Variants in ABCA7 observed in about 807,000 individuals in gnomAD.
The protein encoded by ABCA7 is ATP binding cassette subfamily A member 7.
A neutral mutation model predicts 227.6 loss-of-function variants in ABCA7; 261 were observed. The observed-to-expected ratio is 1.15, with a 90% CI of 1.04 to 1.27. The LOEUF is 1.27. Ranked by LOEUF, ABCA7 falls within the 50% of genes most tolerant of loss-of-function variation. ABCA7 has a pLI of 0.00. For missense variants in ABCA7, 3,331 were observed against 2,924.5 expected (o/e 1.14, Z -3.21); for synonymous variants, 1,488 against 1,279.7 (o/e 1.16, Z -3.47).
Position 1,055,114 on chromosome 19 carries a change from T to C in ABCA7, c.3968T>C (p.Val1323Ala), listed in dbSNP as rs1385605555. 3 of 1,612,092 alleles carry C rather than the reference T, an allele frequency of 1.9e-6. No homozygotes were observed. In the African/African-American group the frequency reaches 4.0e-5, roughly 22 times the overall value. The change falls in exon 30 of 47, where the codon GTT becomes GCT. Residue 1323 changes from valine to alanine, a missense_variant. Coordinates refer to ENST00000263094, the MANE Select transcript of ABCA7 (RefSeq NM_019112.4). Reference protein sequence around the residue: ...HSSHRFSAPEVPAEVAKVLAS... With the variant: ...HSSHRFSAPEAPAEVAKVLAS... ...GTCTGCAGGTTCTCGGCACCAGAAG[T>C]TCCTGCTGAAGTGGCCAAGGTCTTG...
At position 1,063,641 on chromosome 19, in the gene ABCA7, C is replaced by T. The variant is rs769277178; in HGVS notation, c.5810C>T (p.Ala1937Val). The T allele has an allele frequency of 1.1e-5, 17 of 1,610,426 alleles. No individual in the cohort carries two copies. In the African/African-American group the frequency reaches 2.1e-4, roughly 20 times the overall value. Residue 1937 changes from alanine to valine, a missense_variant, in exon 43 of 47, where the codon GCC (alanine) becomes GTC (valine). By Grantham distance (64) the Ala-to-Val change is moderately conservative. Transcript: ENST00000263094. ...GGGAACAAACGCAAGCTGGCGACGG[C>T]CCTGGCGCTGGTTGGGGACCCAGCC... ...SGGNKRKLAT[A>V]LALVGDPAVV...
intron 18 of ABCA7, among the ~76,000 whole-genome samples, chr19:1,050,554 G>T (rs908498894): frequency 6.6e-6 from 1 of 151,954 alleles, no homozygotes; most frequent in Non-Finnish European, 1.5e-5. Flanking sequence ...GGTGGATCAC[G>T]AGGTCAGGAG....
intron 1 of ABCA7, among the ~76,000 whole-genome samples, chr19:1,041,013 C>A (rs537999590): frequency 6.6e-6 from 1 of 152,020 alleles, no homozygotes; most frequent in African/African-American, 2.4e-5. Context: ...TGGGGTGGAG[C>A]CTGGTGACGA....
intron 44 of ABCA7, 110 bp from the exon 45 acceptor site, chr19:1,064,051 G>A (rs2042868825): frequency 7.4e-7 from 1 of 1,349,240 alleles, no homozygotes; most frequent in African/African-American, 1.5e-5. Flanking sequence ...GGGGAAGAGT[G>A]GGGAGATGTC....
intron 17 of ABCA7, 120 bp from the exon 18 acceptor site, chr19:1,049,146 T>C: frequency 1.6e-6 from 2 of 1,213,924 alleles, no homozygotes; most frequent in Non-Finnish European, 2.3e-6. Flanking sequence ...GTCCCCAAGC[T>C]CCCGCAGCTT....
Position 1,047,179 on chromosome 19 carries a change from GCCACCCGGGC to G in ABCA7, c.1869_1878del (p.Ser623ArgfsTer15). 6.2e-7 allele frequency: 1 copy of G among 1,604,816 alleles called. No individual in the cohort carries two copies. The highest frequency in any genetic ancestry group is 8.5e-7 in the Non-Finnish European group (1 of 1,177,632). On this transcript the variant is annotated frameshift_variant, in exon 15 of 47. Transcript: ENST00000263094. LOFTEE classifies it high-confidence loss of function. ...CAGCTGGGAGACATCCTCCCCTACAGCCACCCGGGCGTGGTCTTCCTGTTCTTGGCAGCCT... is the reference window on the plus strand; with the variant it reads ...CAGCTGGGAGACATCCTCCCCTACAGGTGGTCTTCCTGTTCTTGGCAGCCT...
Position 1,056,307 on chromosome 19 carries a change from C to G in ABCA7, c.4417-23C>G, listed in dbSNP as rs374433434. ...AAGGTCCAACCCCATTGCTCTGACC[C>G]TATGACCTTGACCCCCACCCAGATC... is the stretch of plus-strand genomic sequence containing the variant. On this transcript the variant is annotated intron_variant, in intron 32 of 46. Transcript: ENST00000263094. The surrounding 1 kb of genome is among the most constrained non-coding windows in gnomAD (Gnocchi z 4.3). 43 of 1,610,268 alleles carry G rather than the reference C, an allele frequency of 2.7e-5. No homozygotes were observed. Among genetic ancestry groups the G allele is most frequent in the Middle Eastern group, 1.6e-4 (1 of 6,072 alleles).
At chr19:1,047,722 T>G in intron 16 of ABCA7, 68 bp downstream of exon 16, 7 of 1,369,906 alleles carry the variant, frequency 5.1e-6, no homozygotes, top group East Asian at 2.9e-5. Flanking sequence ...GCTAGGGGTG[T>G]GGCCTCCAGG....
At chr19:1,045,341 G>C in intron 12 of ABCA7, 110 bp downstream of exon 12, 1 of 1,125,652 alleles carries the variant, frequency 8.9e-7, no homozygotes, top group Non-Finnish European at 1.3e-6. Flanking sequence ...ACAGGATCTG[G>C]GCTGTATCAA....
chr19:1,059,673 C>T (rs570401798), intron 40 of ABCA7, among the ~76,000 whole-genome samples: 1 of 152,204 alleles, frequency 6.6e-6, no homozygotes, highest in Admixed American at 6.5e-5. Context: ...ACACCATTTT[C>T]CTGCCTCAGC....
chr19:1,051,653 G>T, intron 21 of ABCA7, 67 bp downstream of exon 21: 1 of 1,495,478 alleles, frequency 6.7e-7, no homozygotes. Context: ...TGGGGATGGG[G>T]TTTTGAGGAA....
In ABCA7 at chr19:1,045,468, A is replaced by G. The variant is rs1238354105; in HGVS notation, c.1445+237A>G. Reference sequence around the variant, plus strand: ...CCTGAGATAAGATGAGAGCAGGTATAGGTTGAGGGCAATGGTGGGCGGAGC... The same window carrying G: ...CCTGAGATAAGATGAGAGCAGGTATGGGTTGAGGGCAATGGTGGGCGGAGC... On this transcript the variant is annotated intron_variant, in intron 12 of 46. Coordinates refer to ENST00000263094, the MANE Select transcript of ABCA7 (RefSeq NM_019112.4). 3 of 556,764 alleles carry G rather than the reference A, an allele frequency of 5.4e-6. No homozygotes were observed. The East Asian group carries it at 9.0e-5, about 17-fold the overall frequency. 34.5% of individuals were successfully genotyped at this position (556,764 alleles called of 1,614,324 possible).
Position 1,055,193 on chromosome 19 carries a change from G to A in ABCA7, c.4047G>A (p.Arg1349=). 6.2e-7 allele frequency: 1 copy of A among 1,611,312 alleles called. No individual in the cohort carries two copies. The highest frequency in any genetic ancestry group is 8.5e-7 in the Non-Finnish European group (1 of 1,179,176). The change falls in exon 30 of 47, where the codon CGG becomes CGA. Residue 1349 remains arginine, a synonymous_variant. Coordinates refer to ENST00000263094, the MANE Select transcript of ABCA7 (RefSeq NM_019112.4). ...ESPSPACQCS[R]PGARRLLPDC... ...CATCCCCAGCCTGCCAGTGTAGCCG[G>A]CCCGGTGCCCGGCGCCTGCTGCCCG...
At chr19:1,041,629 T>C (rs1235946609) in intron 3 of ABCA7, 26 bp downstream of exon 3, 2 of 1,605,542 alleles carry the variant, frequency 1.2e-6, no homozygotes, top group Non-Finnish European at 1.7e-6. Context: ...GACCAGGCAC[T>C]TTGTGTGTGT....
chr19:1,055,154 G>A lies in ABCA7; in HGVS notation c.4008G>A (p.Trp1336Ter), dbSNP rs2042133632. 17 of 1,612,790 alleles carry A rather than the reference G, an allele frequency of 1.1e-5. No homozygotes were observed. Among genetic ancestry groups the A allele is most frequent in the Non-Finnish European group, 1.4e-5 (17 of 1,179,954 alleles). Residue 1336 changes from tryptophan (W) to a stop codon, truncating the protein, a stop_gained, in exon 30 of 47, where the codon TGG (tryptophan) becomes TGA (stop). Coordinates refer to ENST00000263094, the MANE Select transcript of ABCA7 (RefSeq NM_019112.4). LOFTEE classifies it high-confidence loss of function. ...EVAKVLASGN[W>*]TPESPSPACQ... ...CCAAGGTCTTGGCCAGTGGCAACTG[G>A]ACCCCAGAGTCTCCATCCCCAGCCT...
At position 1,042,175 on chromosome 19, in the gene ABCA7, G is replaced by C. The variant is rs767649579; in HGVS notation, c.414G>C (p.Thr138=). Residue 138 remains threonine, a splice_region_variant and synonymous_variant, in exon 5 of 47, where the codon ACG becomes ACC. Coordinates refer to ENST00000263094, the MANE Select transcript of ABCA7 (RefSeq NM_019112.4). The stretch of plus-strand genomic sequence containing the variant: ...CCACGCTGAGGGCTGCACGCAGCAC[G>C]GGTGAGGAGGCCGGGGGGCCTCTGG... The part of the protein sequence containing the change: ...LIATLRAARS[T]AQPQPTKQSP... 6.2e-7 allele frequency: 1 copy of C among 1,601,078 alleles called. No individual in the cohort carries two copies. The highest frequency in any genetic ancestry group is 2.2e-5 in the East Asian group (1 of 44,754).
intron 21 of ABCA7, 39 bp downstream of exon 21, chr19:1,051,625 C>T: frequency 6.3e-7 from 1 of 1,582,682 alleles, no homozygotes; most frequent in Non-Finnish European, 8.6e-7. Context: ...CCAGAAAAGG[C>T]TTCTGACAAG....
At chr19:1,047,864 T>A (rs1412514281) in intron 16 of ABCA7, among the ~76,000 whole-genome samples, 1 of 152,154 alleles carries the variant, frequency 6.6e-6, no homozygotes, top group Non-Finnish European at 1.5e-5. Context: ...GCCTCATACC[T>A]GGACGCCCTG....
intron 5 of ABCA7, 43 bp downstream of exon 5, chr19:1,042,219 C>T (rs777471737): frequency 6.3e-7 from 1 of 1,593,060 alleles, no homozygotes; most frequent in South Asian, 1.1e-5. Flanking sequence ...AGCTCTGAGC[C>T]TCAACTTGCC....
Sources: allele counts gnomAD v4.1 joint callset (sites outside exome capture counted in the v4.1 genomes callset), GRCh38; gene constraint gnomAD v4.1.1; non-coding constraint Gnocchi (gnomAD v3.1); transcripts MANE v1.5; gene names NCBI Gene and HGNC (gene_info 2026-07-23, HGNC 2026-07-21).